Variants in STAT1 observed in about 807,000 individuals in gnomAD.
The protein encoded by STAT1 is signal transducer and activator of transcription 1.
In STAT1, 24 loss-of-function variants were observed where a neutral mutation model predicts 111.7. That is an observed-to-expected ratio of 0.21 (90% CI 0.16 to 0.30). STAT1 has a LOEUF of 0.30. Ranked by LOEUF, STAT1 falls within the 10% of genes least tolerant of loss-of-function variation. The pLI, the probability that STAT1 is intolerant of heterozygous loss-of-function variation, is 1.00. For synonymous variants in STAT1, 332 were observed against 326.5 expected, an observed-to-expected ratio of 1.02 and a Z score of -0.18; for missense variants, 351 against 911.9, an observed-to-expected ratio of 0.38 and a Z score of 7.92.
At chr2:190,985,735 C>T (rs1692752645) in intron 14 of STAT1, 75 bp from the exon 15 acceptor site, 11 of 1,459,836 alleles carry the variant, frequency 7.5e-6, no homozygotes, top group South Asian at 1.1e-5. Context: ...CAAATGAGAA[C>T]AAAGTTAGGA....
rs1233294674 is a variant in STAT1 at position 190,997,146 on chromosome 2, CAT to C, written c.785+708_785+709del. Among the ~76,000 whole-genome samples, 20 of 152,248 alleles carry C rather than the reference CAT, an allele frequency of 1.3e-4. No individual in the cohort carries two copies. The highest frequency in any genetic ancestry group is 6.5e-4 in the Admixed American group (10 of 15,292). ...CCAATACAGCCCCTGCAGTCTCCCA[CAT>C]GTGTGCCTTTGCACACGCTGTGCTC... is the stretch of plus-strand genomic sequence containing the variant. On this transcript the variant is annotated intron_variant, in intron 9 of 24. Coordinates refer to ENST00000361099, the MANE Select transcript of STAT1 (RefSeq NM_007315.4). This position sits in a 1 kb window ranked among gnomAD's most constrained non-coding sequence, Gnocchi z 7.3.
chr2:190,985,936 A>G (rs1692776403), intron 14 of STAT1, among the ~76,000 whole-genome samples: 1 of 152,150 alleles, frequency 6.6e-6, no homozygotes, highest in South Asian at 2.1e-4. Flanking sequence ...ATGTTTCCCC[A>G]TGCACCTTCG....
chr2:191,010,787 A>G (rs1695059636), intron 2 of STAT1, among the ~76,000 whole-genome samples: 1 of 152,256 alleles, frequency 6.6e-6, no homozygotes, highest in Non-Finnish European at 1.5e-5. Context: ...ACATCATTAA[A>G]TGTAATTTAA....
At chr2:191,005,512 G>A (rs1427212022) in intron 5 of STAT1, among the ~76,000 whole-genome samples, 1 of 152,096 alleles carries the variant, frequency 6.6e-6, no homozygotes, top group Admixed American at 6.5e-5. Context: ...TGTTACAATT[G>A]CCCATAGCGT....
At chr2:190,994,144 C>T (rs1355351702) in intron 10 of STAT1, among the ~76,000 whole-genome samples, 1 of 152,170 alleles carries the variant, frequency 6.6e-6, no homozygotes, top group East Asian at 1.9e-4. Flanking sequence ...GAAAAGAAGG[C>T]TCTGAGGAAG....
At position 191,006,215 on chromosome 2, in the gene STAT1, C is replaced by T. The variant is rs141684464; in HGVS notation, c.372+1348G>A. ...TTTTAGGATGGAAGCCCCATATAAT[C>T]AAAACTGCCGGCTGAAAATCTCCCA... On this transcript the variant is annotated intron_variant, in intron 5 of 24. Transcript: ENST00000361099. The surrounding 1 kb of genome is among the most constrained non-coding windows in gnomAD (Gnocchi z 4.6). Among the ~76,000 whole-genome samples, 707 of 152,322 alleles carry T rather than the reference C, an allele frequency of 4.6e-3. 3 individuals are homozygous for T. Among genetic ancestry groups the T allele is most frequent in the African/African-American group, 0.016 (678 of 41,576 alleles).
chr2:191,002,244 C>T (rs1369913108), intron 5 of STAT1, among the ~76,000 whole-genome samples: 1 of 152,110 alleles, frequency 6.6e-6, no homozygotes, highest in African/African-American at 2.4e-5. Flanking sequence ...GTTAGCTTTC[C>T]ATTTGTCTTA....
Position 190,999,764 on chromosome 2 carries a change from A to T in STAT1, c.463-60T>A. On this transcript the variant is annotated intron_variant, in intron 6 of 24. Transcript: ENST00000361099. The surrounding 1 kb of genome is among the most constrained non-coding windows in gnomAD (Gnocchi z 4.1). Reference sequence around the variant, plus strand: ...TCAGCAACTTCCAAAGACTTTAGGCAACAGAGTATTGCTTCTATGGAACCC... The same window carrying T: ...TCAGCAACTTCCAAAGACTTTAGGCTACAGAGTATTGCTTCTATGGAACCC... The T allele has an allele frequency of 8.2e-7, 1 of 1,213,528 alleles. No individual in the cohort carries two copies. The highest frequency in any genetic ancestry group is 1.2e-6 in the Non-Finnish European group (1 of 820,676). The allele number at this position is 1,213,528 out of a possible 1,614,324, so 75.2% of individuals were successfully genotyped here. A position where few individuals can be genotyped will look rare whatever the true frequency, so the allele number is the denominator to read the frequency against.
rs552751565 is a variant in STAT1, at chr2:190,980,662, G to A, written c.1590C>T (p.Asn530=). ...ACGGAATGAGACCATCGGGGCTGGC[G>A]TTAGGACCTAAACAAATAAAAACCA... ...NMLGEKLLGP[N]ASPDGLIPWT... The change falls in exon 19 of 25, where the codon AAC becomes AAT. Residue 530 remains asparagine, a synonymous_variant. Coordinates refer to ENST00000361099, the MANE Select transcript of STAT1 (RefSeq NM_007315.4). This position sits in a 1 kb window ranked among gnomAD's most constrained non-coding sequence, Gnocchi z 6.1. 26 of 1,614,166 alleles carry A rather than the reference G, an allele frequency of 1.6e-5. No homozygotes were observed. The highest frequency in any genetic ancestry group is 7.7e-5 in the South Asian group (7 of 91,086).
Position 191,007,445 on chromosome 2 carries a change from T to C in STAT1, c.372+118A>G. On this transcript the variant is annotated intron_variant, in intron 5 of 24. Transcript: ENST00000361099. This position sits in a 1 kb window ranked among gnomAD's most constrained non-coding sequence, Gnocchi z 4.2. ...CTCTAAATCTGATTCTCCCACTTCT[T>C]GGGGCTATAAAATTAGAGAGATATT... 1.3e-6 allele frequency: 1 copy of C among 765,010 alleles called. No individual in the cohort carries two copies. The highest frequency in any genetic ancestry group is 2.2e-6 in the Non-Finnish European group (1 of 455,060). The allele number at this position is 765,010 out of a possible 1,614,324, so 47.4% of individuals were successfully genotyped here.
At position 190,977,142 on chromosome 2, in the gene STAT1, A is replaced by G; in HGVS notation, c.1874-117T>C. On this transcript the variant is annotated intron_variant, in intron 21 of 24. Transcript: ENST00000361099. This position sits in a 1 kb window ranked among gnomAD's most constrained non-coding sequence, Gnocchi z 4.7. ...GTGAACCTCATAAGAACTAATCACA[A>G]TCTAAGCATTATAACATATACAGTA... The G allele has an allele frequency of 1.0e-6, 1 of 961,624 alleles. No homozygotes were observed. Among genetic ancestry groups the G allele is most frequent in the Non-Finnish European group, 1.7e-6 (1 of 603,732 alleles). The allele number at this position is 961,624 out of a possible 1,614,324, so 59.6% of individuals were successfully genotyped here.
At chr2:191,001,651 C>T (rs531188990) in intron 5 of STAT1, among the ~76,000 whole-genome samples, 3 of 152,268 alleles carry the variant, frequency 2.0e-5, no homozygotes, top group South Asian at 2.1e-4. Context: ...CAGAGGTATA[C>T]TGAAATATGA....
At position 190,980,206 on chromosome 2, in the gene STAT1, G is replaced by A. The variant is rs768485451; in HGVS notation, c.1633-340C>T. Among the ~76,000 whole-genome samples the A allele has an allele frequency of 5.3e-5, 8 of 152,228 alleles. No individual in the cohort carries two copies. The highest frequency in any genetic ancestry group is 1.4e-4 in the African/African-American group (6 of 41,454). ...AAAATCCAGCAGTGCAAGCTGGTCCGCACTGTCTGGTGACTCCAGCAGAAT... is the reference window on the plus strand; with the variant it reads ...AAAATCCAGCAGTGCAAGCTGGTCCACACTGTCTGGTGACTCCAGCAGAAT... On this transcript the variant is annotated intron_variant, in intron 19 of 24. Transcript: ENST00000361099. This position sits in a 1 kb window ranked among gnomAD's most constrained non-coding sequence, Gnocchi z 6.1.
Position 190,977,090 on chromosome 2 carries a change from A to G in STAT1, c.1874-65T>C. On this transcript the variant is annotated intron_variant, in intron 21 of 24. Coordinates refer to ENST00000361099, the MANE Select transcript of STAT1 (RefSeq NM_007315.4). This position sits in a 1 kb window ranked among gnomAD's most constrained non-coding sequence, Gnocchi z 4.7. ...CCAAAATGAAAGAGGACAGAGAAAT[A>G]AAACACTGCAGAGTTGATGGATTTG... 2.6e-6 allele frequency: 4 copies of G among 1,510,886 alleles called. No individual in the cohort carries two copies. The East Asian group carries it at 9.1e-5, about 34-fold the overall frequency. The allele number at this position is 1,510,886 out of a possible 1,614,324, so 93.6% of individuals were successfully genotyped here. A position where few individuals can be genotyped will look rare whatever the true frequency, so the allele number is the denominator to read the frequency against.
rs562331167 is a variant in STAT1, at chr2:190,982,935, C to T, written c.1447-417G>A. Among the ~76,000 whole-genome samples the T allele has an allele frequency of 2.2e-4, 34 of 152,264 alleles. No homozygotes were observed. Among genetic ancestry groups the T allele is most frequent in the African/African-American group, 7.5e-4 (31 of 41,538 alleles). ...GCGCCATGTTTTTTGCATTTTGTGACTGCTGTTGGTGATCCCTGTTTAAAA... is the reference window on the plus strand; with the variant it reads ...GCGCCATGTTTTTTGCATTTTGTGATTGCTGTTGGTGATCCCTGTTTAAAA... On this transcript the variant is annotated intron_variant, in intron 17 of 24. Coordinates refer to ENST00000361099, the MANE Select transcript of STAT1 (RefSeq NM_007315.4). The surrounding 1 kb of genome is among the most constrained non-coding windows in gnomAD (Gnocchi z 7.3).
rs1691792007 is a variant in STAT1 at position 190,974,978 on chromosome 2, G to T, written c.2136-46C>A. The T allele has an allele frequency of 1.1e-5, 15 of 1,353,120 alleles. No homozygotes were observed. The East Asian group carries it at 3.2e-4, about 29-fold the overall frequency. 83.8% of individuals were successfully genotyped at this position (1,353,120 alleles called of 1,614,324 possible). Reference sequence around the variant, plus strand: ...AGAGCAATGTCAACATCTGAGTGATGAAAGCACTAGTGCATACTTACACAC... The same window carrying T: ...AGAGCAATGTCAACATCTGAGTGATTAAAGCACTAGTGCATACTTACACAC... On this transcript the variant is annotated intron_variant, in intron 23 of 24. Transcript: ENST00000361099. This position sits in a 1 kb window ranked among gnomAD's most constrained non-coding sequence, Gnocchi z 4.8.
rs1175108080 is a variant in STAT1, at chr2:190,984,484, G to A, written c.1264-91C>T. The A allele has an allele frequency of 9.3e-7, 1 of 1,076,514 alleles. No individual in the cohort carries two copies. The highest frequency in any genetic ancestry group is 1.9e-5 in the Admixed American group (1 of 51,298). The allele number at this position is 1,076,514 out of a possible 1,614,324, so 66.7% of individuals were successfully genotyped here. A position where few individuals can be genotyped will look rare whatever the true frequency, so the allele number is the denominator to read the frequency against. ...CCAATTAACATTGCAACAGGCCACAGAGATCCTGGGCCCAATCAGTGGCAA... is the reference window on the plus strand; with the variant it reads ...CCAATTAACATTGCAACAGGCCACAAAGATCCTGGGCCCAATCAGTGGCAA... On this transcript the variant is annotated intron_variant, in intron 15 of 24. Coordinates refer to ENST00000361099, the MANE Select transcript of STAT1 (RefSeq NM_007315.4). The surrounding 1 kb of genome is among the most constrained non-coding windows in gnomAD (Gnocchi z 5.2).
chr2:191,001,105 C>T lies in STAT1; in HGVS notation c.431G>A (p.Ser144Asn), dbSNP rs1472778655. 2 of 1,613,978 alleles carry T rather than the reference C, an allele frequency of 1.2e-6. No individual in the cohort carries two copies. The highest frequency in any genetic ancestry group is 2.2e-5 in the East Asian group (1 of 44,876). The change falls in exon 6 of 25, where the codon AGT becomes AAT. Residue 144 changes from serine (S) to asparagine (N), a missense_variant. Around this residue, in one of 7 missense-constraint regions of STAT1, gnomAD observed 67 missense variants for 158.9 expected, o/e 0.42. Transcript: ENST00000361099. ...VMLDKQKELD[S>N]KVRNVKDKVM... ...CTTGTCCTTCACATTTCTGACTTTA[C>T]TGTCAAGCTCTTTCTGTTTGTCTAA...
chr2:191,013,613 A>G lies in STAT1; in HGVS notation c.-90T>C. 2.5e-6 allele frequency: 1 copy of G among 398,554 alleles called. No homozygotes were observed. The highest frequency in any genetic ancestry group is 2.1e-5 in the African/African-American group (1 of 48,630). 24.7% of individuals were successfully genotyped at this position (398,554 alleles called of 1,614,324 possible). ...GTTAGGTGCCAAGACTGTCGAGGTTATATACACAGAGTGCGAACGTTAACC... is the reference window on the plus strand; with the variant it reads ...GTTAGGTGCCAAGACTGTCGAGGTTGTATACACAGAGTGCGAACGTTAACC... On this transcript the variant is annotated 5_prime_UTR_variant, in exon 2 of 25. Coordinates refer to ENST00000361099, the MANE Select transcript of STAT1 (RefSeq NM_007315.4).
Sources: gnomAD v4.1 joint callset for allele counts (sites outside exome capture counted in the v4.1 genomes callset) on GRCh38, gnomAD v4.1.1 for gene constraint, gnomAD v4.1.1 regional missense constraint, Gnocchi (gnomAD v3.1) non-coding constraint, MANE v1.5 for transcripts, NCBI Gene and HGNC (gene_info 2026-07-23, HGNC 2026-07-21) for gene names.